FZD3: variants seen among roughly 807,000 people sequenced by gnomAD.
FZD3 encodes the protein frizzled-3.
In FZD3, 30 loss-of-function variants were observed where a neutral mutation model predicts 60.7. The observed-to-expected ratio is 0.49, with a 90% CI of 0.37 to 0.67. FZD3 has a LOEUF of 0.67. Ranked by LOEUF, FZD3 falls within the 30% of genes least tolerant of loss-of-function variation. The pLI is 0.00. For missense variants in FZD3, 605 were observed against 838.7 expected (o/e 0.72, Z 3.44); for synonymous variants, 246 against 275.2 (o/e 0.89, Z 1.05).
chr8:28,548,692 A>G (rs1193405353), intron 5 of FZD3, among the ~76,000 whole-genome samples: 1 of 152,136 alleles, frequency 6.6e-6, no homozygotes, highest in Non-Finnish European at 1.5e-5. Context: ...CTCTTTCAGG[A>G]CTTTCCTGTT....
At chr8:28,522,695 C>G (rs1027709147) in intron 4 of FZD3, among the ~76,000 whole-genome samples, 1 of 151,316 alleles carries the variant, frequency 6.6e-6, no homozygotes, top group African/African-American at 2.4e-5. Context: ...TAGGATTAAA[C>G]CTATTTTATG....
rs371595665 is a variant in FZD3, at chr8:28,567,166, T to G, written c.*4155T>G. ...CTGGCTAATTTTAATTTTTTTTTCT[T>G]TTTTTGAGACGGAGTCTGGCTTTGT... On this transcript the variant is annotated 3_prime_UTR_variant, in exon 8 of 8. Transcript: ENST00000240093. 5 of 152,546 alleles carry G rather than the reference T, an allele frequency of 3.3e-5. No individual in the cohort carries two copies. The highest frequency in any genetic ancestry group is 6.6e-5 in the Admixed American group (1 of 15,264). The allele number at this position is 152,546 out of a possible 1,614,324, so 9.4% of individuals were successfully genotyped here. A position where few individuals can be genotyped will look rare whatever the true frequency, so the allele number is the denominator to read the frequency against.
intron 3 of FZD3, among the ~76,000 whole-genome samples, chr8:28,513,917 C>G (rs1384081982): frequency 6.6e-6 from 1 of 152,086 alleles, no homozygotes; most frequent in African/African-American, 2.4e-5. Context: ...TGTTGCTATG[C>G]TTGAAGGCTT....
At chr8:28,534,277 T>A (rs1454351534) in intron 5 of FZD3, among the ~76,000 whole-genome samples, 1 of 152,236 alleles carries the variant, frequency 6.6e-6, no homozygotes, top group African/African-American at 2.4e-5. Flanking sequence ...TGTACAGTTC[T>A]GTGACATTAA....
At chr8:28,549,486 T>G (rs1805364307) in intron 5 of FZD3, among the ~76,000 whole-genome samples, 1 of 152,160 alleles carries the variant, frequency 6.6e-6, no homozygotes. Flanking sequence ...TCTTAGTTTT[T>G]CCAGGTATAA....
chr8:28,503,143 A>G lies in FZD3; in HGVS notation c.130A>G (p.Thr44Ala), dbSNP rs1489480503. 1.2e-6 allele frequency: 2 copies of G among 1,613,454 alleles called. No homozygotes were observed. Among genetic ancestry groups the G allele is most frequent in the Admixed American group, 3.3e-5 (2 of 60,016 alleles). The part of the protein sequence containing the change: ...RMCQDLPYNT[T>A]FMPNLLNHYD... Reference sequence around the variant, plus strand: ...GTGCCAAGATTTGCCTTATAATACTACCTTCATGCCTAATCTTCTGAATCA... The same window carrying G: ...GTGCCAAGATTTGCCTTATAATACTGCCTTCATGCCTAATCTTCTGAATCA... The change falls in exon 3 of 8, where the codon ACC (threonine) becomes GCC (alanine). Residue 44 changes from threonine (T) to alanine (A), a missense_variant. By Grantham distance (58) the Thr-to-Ala change is moderately conservative (BLOSUM62 0). Transcript: ENST00000240093.
Position 28,572,664 on chromosome 8 carries a change from C to T in FZD3, c.*9653C>T, listed in dbSNP as rs1411548552. The T allele has an allele frequency of 6.6e-6, 1 of 152,112 alleles. No homozygotes were observed. Among genetic ancestry groups the T allele is most frequent in the East Asian group, 1.9e-4 (1 of 5,200 alleles). 9.4% of individuals were successfully genotyped at this position (152,112 alleles called of 1,614,324 possible). ...TAGAGGCAAAATAATTTCCCCCTCACATCTAATGTGGACTCAAATTTTGGC... is the reference window on the plus strand; with the variant it reads ...TAGAGGCAAAATAATTTCCCCCTCATATCTAATGTGGACTCAAATTTTGGC... On this transcript the variant is annotated 3_prime_UTR_variant, in exon 8 of 8. Transcript: ENST00000240093.
intron 3 of FZD3, among the ~76,000 whole-genome samples, chr8:28,512,460 A>G (rs1169819308): frequency 5.9e-5 from 9 of 152,044 alleles, no homozygotes; most frequent in Admixed American, 1.3e-4. Flanking sequence ...TTGTTCCTGA[A>G]TTAGTAGTTT....
intron 5 of FZD3, among the ~76,000 whole-genome samples, chr8:28,528,866 T>A (rs1157159564): frequency 6.6e-6 from 1 of 152,154 alleles, no homozygotes; most frequent in African/African-American, 2.4e-5. Flanking sequence ...TAATGCTAAG[T>A]ATTTCTTATC....
In FZD3 at chr8:28,570,850, G is replaced by C. The variant is rs1805794700; in HGVS notation, c.*7839G>C. On this transcript the variant is annotated 3_prime_UTR_variant, in exon 8 of 8. Transcript: ENST00000240093. Reference sequence around the variant, plus strand: ...AGGATCTGATGAGTAGAGAATAGTGGAAAGTTGATATAGGAAGGTATACTG... The same window carrying C: ...AGGATCTGATGAGTAGAGAATAGTGCAAAGTTGATATAGGAAGGTATACTG... 2 of 151,970 alleles carry C rather than the reference G, an allele frequency of 1.3e-5. No homozygotes were observed. Among genetic ancestry groups the C allele is most frequent in the Admixed American group, 6.6e-5 (1 of 15,264 alleles). 9.4% of individuals were successfully genotyped at this position (151,970 alleles called of 1,614,324 possible). A position where few individuals can be genotyped will look rare whatever the true frequency, so the allele number is the denominator to read the frequency against.
chr8:28,523,233 A>T (rs562487957), intron 4 of FZD3, among the ~76,000 whole-genome samples: 2 of 152,270 alleles, frequency 1.3e-5, no homozygotes, highest in African/African-American at 4.8e-5. Context: ...TGGGCGCTGG[A>T]GAGTCTAAGA....
At chr8:28,495,243 G>A (rs983141203) in intron 1 of FZD3, among the ~76,000 whole-genome samples, 2 of 152,168 alleles carry the variant, frequency 1.3e-5, no homozygotes, top group African/African-American at 4.8e-5. Flanking sequence ...TGAGGCAGAG[G>A]AGTAGATTTC....
chr8:28,549,100 G>A lies in FZD3; in HGVS notation c.1405-2503G>A, dbSNP rs536873385. Among the ~76,000 whole-genome samples the A allele has an allele frequency of 2.7e-4, 41 of 152,278 alleles. 1 individual carries two copies. The South Asian group carries it at 8.1e-3, about 30-fold the overall frequency. ...GGTTTCCTCTCAAGTCTCTCTCCTT[G>A]GCTTGTAGATGGAAGCCTGCTTGCT... is the stretch of plus-strand genomic sequence containing the variant. On this transcript the variant is annotated intron_variant, in intron 5 of 7. Coordinates refer to ENST00000240093, the MANE Select transcript of FZD3 (RefSeq NM_017412.4).
intron 3 of FZD3, among the ~76,000 whole-genome samples, chr8:28,508,075 T>C (rs910493150): frequency 6.6e-6 from 1 of 152,096 alleles, no homozygotes; most frequent in African/African-American, 2.4e-5. Flanking sequence ...ACTTTTTTTT[T>C]GTAGAGGCAA....
At chr8:28,555,320 T>G (rs1445461398) in intron 6 of FZD3, among the ~76,000 whole-genome samples, 1 of 152,182 alleles carries the variant, frequency 6.6e-6, no homozygotes, top group Non-Finnish European at 1.5e-5. Context: ...TTTTTCTATT[T>G]TAGTTATATC....
At chr8:28,531,976 G>A (rs1299629041) in intron 5 of FZD3, among the ~76,000 whole-genome samples, 1 of 151,920 alleles carries the variant, frequency 6.6e-6, no homozygotes, top group African/African-American at 2.4e-5. Context: ...TCTACAATTT[G>A]CTTTTTTGAT....
chr8:28,534,333 C>G lies in FZD3; in HGVS notation c.1404+6169C>G, dbSNP rs151235374. Among the ~76,000 whole-genome samples the G allele has an allele frequency of 8.5e-5, 13 of 152,272 alleles. No individual in the cohort carries two copies. The East Asian group carries it at 2.1e-3, about 25-fold the overall frequency. ...CATCACCTCCATCCATTTCCAGTAA[C>G]TTTTTCATCTTTTCAAACTGAGATG... On this transcript the variant is annotated intron_variant, in intron 5 of 7. Coordinates refer to ENST00000240093, the MANE Select transcript of FZD3 (RefSeq NM_017412.4).
Position 28,563,330 on chromosome 8 carries a change from T to C in FZD3, c.*319T>C, listed in dbSNP as rs546095171. The C allele has an allele frequency of 2.2e-4, 71 of 318,608 alleles. 1 individual carries two copies. Among genetic ancestry groups the C allele is most frequent in the Middle Eastern group, 1.0e-3 (1 of 968 alleles). The allele number at this position is 318,608 out of a possible 1,614,324, so 19.7% of individuals were successfully genotyped here. On this transcript the variant is annotated 3_prime_UTR_variant, in exon 8 of 8. Transcript: ENST00000240093. ...AAAATCCTAAATGTGTGGTGACTGC[T>C]TTGTAGTGAACTTTCATATACTATA...
chr8:28,504,056 C>T (rs997899767), intron 3 of FZD3, among the ~76,000 whole-genome samples: 3 of 152,126 alleles, frequency 2.0e-5, no homozygotes, highest in African/African-American at 7.2e-5. Flanking sequence ...TACTCTTCAG[C>T]CTATTTCCAT....
Sources: allele counts gnomAD v4.1 joint callset (sites outside exome capture counted in the v4.1 genomes callset), GRCh38; gene constraint gnomAD v4.1.1; transcripts MANE v1.5; gene names NCBI Gene and HGNC (gene_info 2026-07-23, HGNC 2026-07-21).